DHRS2: variants seen among roughly 807,000 people sequenced by gnomAD.
The protein encoded by DHRS2 is dehydrogenase/reductase 2, also known as dehydrogenase/reductase SDR family member 2, mitochondrial.
DHRS2 carries 29 observed loss-of-function variants against 26.3 expected under a neutral mutation model. The ratio of observed to expected loss-of-function variants is 1.10; its 90% confidence interval spans 0.82 to 1.50. DHRS2 has a LOEUF of 1.50. DHRS2 is among the 40% of genes most tolerant of loss of function. The pLI is 0.00. For synonymous variants in DHRS2, 164 were observed against 151.3 expected, an observed-to-expected ratio of 1.08 and a Z score of -0.62; for missense variants, 439 against 367.1, an observed-to-expected ratio of 1.20 and a Z score of -1.60.
intron 5 of DHRS2, 44 bp downstream of exon 5, chr14:23,643,263 G>C: frequency 6.3e-7 from 1 of 1,585,426 alleles, no homozygotes; most frequent in Non-Finnish European, 8.7e-7. Flanking sequence ...TTGGGGACCT[G>C]AGGTGGGCAC....
In DHRS2 at chr14:23,643,202, G is replaced by C; in HGVS notation, c.471G>C (p.Leu157=). 6.2e-7 allele frequency: 1 copy of C among 1,614,040 alleles called. No homozygotes were observed. Among genetic ancestry groups the C allele is most frequent in the Non-Finnish European group, 8.5e-7 (1 of 1,179,994 alleles). Residue 157 remains leucine (L), a synonymous_variant, in exon 5 of 9, where the codon CTG becomes CTC. Coordinates refer to ENST00000250383, the MANE Select transcript of DHRS2 (RefSeq NM_005794.4). ...CAGCCCTGCTGCTGAGCCAGTTGCT[G>C]CCCTACATGGAGAACAGGTATGGCA... The part of the protein sequence containing the change: ...KSPALLLSQL[L]PYMENRRGAV...
At position 23,645,401 on chromosome 14, in the gene DHRS2, A is replaced by G; in HGVS notation, c.*148A>G. 1.3e-6 allele frequency: 2 copies of G among 1,516,106 alleles called. No homozygotes were observed. Among genetic ancestry groups the G allele is most frequent in the African/African-American group, 1.4e-5 (1 of 72,334 alleles). 93.9% of individuals were successfully genotyped at this position (1,516,106 alleles called of 1,614,324 possible). On this transcript the variant is annotated 3_prime_UTR_variant, in exon 9 of 9. Transcript: ENST00000250383. ...ACTCATGCTAGGCTTGAGGAAGAAG[A>G]AAAACGCTTCGGCATTCTCCTTAGG...
At position 23,639,079 on chromosome 14, in the gene DHRS2, A is replaced by C. The variant is rs144700687; in HGVS notation, c.140+75A>C. On this transcript the variant is annotated intron_variant, in intron 2 of 8. Coordinates refer to ENST00000250383, the MANE Select transcript of DHRS2 (RefSeq NM_005794.4). ...GCTTCCACAAGGACTCAGGGTTTTA[A>C]AGCAAGACCCAGCCTTATTTGCTGA... 3.8e-6 allele frequency: 6 copies of C among 1,594,582 alleles called. No homozygotes were observed. In the African/African-American group the frequency reaches 5.4e-5, roughly 14 times the overall value.
intron 4 of DHRS2, chr14:23,641,000 C>T (rs1890635850): frequency 6.6e-6 from 1 of 152,344 alleles, no homozygotes; most frequent in Admixed American, 6.5e-5. Flanking sequence ...AGTCCTCCCT[C>T]CTGAAGCTGA....
In DHRS2 at chr14:23,638,941, C is replaced by G; in HGVS notation, c.77C>G (p.Thr26Ser). The change falls in exon 2 of 9, where the codon ACC becomes AGC. Residue 26 changes from threonine (T) to serine (S), a missense_variant. Transcript: ENST00000250383. ...CARLSVRMSSTGIDRKGVLAN... is the reference protein window; with the variant it reads ...CARLSVRMSSSGIDRKGVLAN... ...AGGCTTTCTGTGAGGATGAGCAGCA[C>G]CGGGATAGACAGGAAGGGCGTCCTG... is the stretch of plus-strand genomic sequence containing the variant. The G allele has an allele frequency of 6.2e-7, 1 of 1,614,164 alleles. No individual in the cohort carries two copies. The highest frequency in any genetic ancestry group is 8.5e-7 in the Non-Finnish European group (1 of 1,180,036).
At chr14:23,643,315 A>C (rs1207997054) in intron 5 of DHRS2, 96 bp downstream of exon 5, 3 of 1,152,144 alleles carry the variant, frequency 2.6e-6, no homozygotes, top group Non-Finnish European at 2.6e-6. Context: ...GGTAGAGGAC[A>C]GAAGAGGTCT....
At chr14:23,641,177 G>A (rs1325467934) in intron 4 of DHRS2, 1 of 160,422 alleles carries the variant, frequency 6.2e-6, no homozygotes, top group Non-Finnish European at 1.4e-5. Flanking sequence ...AATGAGTTTA[G>A]AATTTACCAG....
chr14:23,641,399 T>C, intron 4 of DHRS2: 1 of 295,336 alleles, frequency 3.4e-6, no homozygotes, highest in Non-Finnish European at 6.5e-6. Flanking sequence ...TCTTTCAGGC[T>C]CATGGATAGT....
chr14:23,633,673 C>T (rs1795218367), upstream of DHRS2, among the ~76,000 whole-genome samples: 1 of 152,146 alleles, frequency 6.6e-6, no homozygotes, highest in Non-Finnish European at 1.5e-5. Context: ...ACACTCATTA[C>T]TGATCCTCTG....
upstream of DHRS2, among the ~76,000 whole-genome samples, chr14:23,634,646 T>A (rs1325286038): frequency 6.6e-6 from 1 of 152,216 alleles, no homozygotes; most frequent in Non-Finnish European, 1.5e-5. Flanking sequence ...CATTATTGTA[T>A]AGTATTCCAT....
At chr14:23,638,525 A>G (rs1389623755) in intron 1 of DHRS2, 1 of 231,550 alleles carries the variant, frequency 4.3e-6, no homozygotes, top group Non-Finnish European at 8.6e-6. Flanking sequence ...TCTACTGCCC[A>G]GTGCTTGACA....
upstream of DHRS2, among the ~76,000 whole-genome samples, chr14:23,633,314 C>T (rs1200205278): frequency 6.6e-6 from 1 of 152,132 alleles, no homozygotes; most frequent in African/African-American, 2.4e-5. Context: ...CACGGACATC[C>T]CTTCAGAGAG....
intron 1 of DHRS2, among the ~76,000 whole-genome samples, chr14:23,637,393 C>T (rs539591802): frequency 4.7e-4 from 72 of 152,280 alleles, no homozygotes; most frequent in African/African-American, 1.7e-3. Flanking sequence ...TTTAGAATCC[C>T]TCCTCAGATA....
At chr14:23,631,210 A>C (rs1185866173) in intron 1 of DHRS2, among the ~76,000 whole-genome samples, 2 of 152,138 alleles carry the variant, frequency 1.3e-5, no homozygotes, top group African/African-American at 4.8e-5. Context: ...ATGTGATGCT[A>C]TACTAGAGTC....
Position 23,639,261 on chromosome 14 carries a change from C to A in DHRS2, c.223C>A (p.Arg75=). 1 of 1,612,750 alleles carries A rather than the reference C, an allele frequency of 6.2e-7. No homozygotes were observed. The highest frequency in any genetic ancestry group is 1.7e-5 in the Admixed American group (1 of 59,824). The change falls in exon 3 of 9, where the codon CGG becomes AGG. Residue 75 remains arginine (R), a synonymous_variant. Transcript: ENST00000250383. ...CAGCCGGAAGCAGCAGAACGTGGAC[C>A]GGGCCATGGCCAAGCTGCAGGGGGA... ...ISSRKQQNVD[R]AMAKLQGEGL... is the part of the protein sequence containing the mutation.
chr14:23,636,969 C>T (rs559909687), intron 1 of DHRS2, among the ~76,000 whole-genome samples, 197 bp downstream of exon 1: 19 of 152,304 alleles, frequency 1.2e-4, no homozygotes, highest in African/African-American at 4.3e-4. Flanking sequence ...GTTGTTTTGC[C>T]TGGAACCAGC....
upstream of DHRS2, among the ~76,000 whole-genome samples, chr14:23,633,627 G>A (rs559246925): frequency 2.6e-5 from 4 of 152,268 alleles, no homozygotes; most frequent in East Asian, 7.7e-4. Context: ...GGCCCCAAGA[G>A]GGAGGAGTGG....
In DHRS2 at chr14:23,644,412, C is replaced by G; in HGVS notation, c.544C>G (p.Leu182Val). 1.2e-6 allele frequency: 2 copies of G among 1,614,150 alleles called. No homozygotes were observed. The highest frequency in any genetic ancestry group is 1.7e-6 in the Non-Finnish European group (2 of 1,180,048). ...SIAAYNPVVA[L>V]GVYNVSKTAL... Reference sequence around the variant, plus strand: ...ACTCTGTCAATTCCCTTCCCAGGCGCTGGGTGTCTACAATGTCAGCAAGAC... The same window carrying G: ...ACTCTGTCAATTCCCTTCCCAGGCGGTGGGTGTCTACAATGTCAGCAAGAC... The change falls in exon 7 of 9, where the codon CTG (leucine) becomes GTG (valine). Residue 182 changes from leucine (L) to valine (V), a missense_variant. Leu to Val is a conservative substitution (Grantham distance 32, BLOSUM62 1). Transcript: ENST00000250383.
chr14:23,635,756 G>A (rs556243762), upstream of DHRS2, among the ~76,000 whole-genome samples: 1 of 152,364 alleles, frequency 6.6e-6, no homozygotes, highest in African/African-American at 2.4e-5. Flanking sequence ...TCTGGGGCTG[G>A]CCAAGGCCGA....
Sources: allele counts gnomAD v4.1 joint callset (sites outside exome capture counted in the v4.1 genomes callset), GRCh38; gene constraint gnomAD v4.1.1; transcripts MANE v1.5; gene names NCBI Gene and HGNC (gene_info 2026-07-23, HGNC 2026-07-21).